The following STX1B variants were observed in gnomAD, a reference collection of about 807,000 sequenced individuals.
STX1B encodes the protein syntaxin-1B.
In STX1B, 7 loss-of-function variants were observed where a neutral mutation model predicts 39.4. The ratio of observed to expected loss-of-function variants is 0.18; its 90% confidence interval spans 0.10 to 0.33. STX1B has a LOEUF of 0.33. STX1B is among the 10% of genes least tolerant of loss of function. The probability of loss-of-function intolerance (pLI) is 1.00; values close to 1 mark genes in which losing one functional copy is unlikely to be tolerated. For synonymous variants in STX1B, 136 were observed against 144.1 expected, an observed-to-expected ratio of 0.94 and a Z score of 0.40; for missense variants, 198 against 383.2, an observed-to-expected ratio of 0.52 and a Z score of 4.04.
At chr16:30,999,537 G>A (rs2056612851) in intron 4 of STX1B, among the ~76,000 whole-genome samples, 1 of 152,200 alleles carries the variant, frequency 6.6e-6, no homozygotes, top group Admixed American at 6.5e-5. Flanking sequence ...GTGCTTTGGG[G>A]GAAGGTGGTT....
chr16:30,996,728 C>T lies in STX1B; in HGVS notation c.492G>A (p.Leu164=). 1 of 1,614,176 alleles carries T rather than the reference C, an allele frequency of 6.2e-7. No individual in the cohort carries two copies. The highest frequency in any genetic ancestry group is 8.5e-7 in the Non-Finnish European group (1 of 1,180,000). The change falls in exon 7 of 10, where the codon CTG becomes CTA. Residue 164 remains leucine (L), a synonymous_variant. Coordinates refer to ENST00000215095, the MANE Select transcript of STX1B (RefSeq NM_052874.5). ...GCTTCCCGCTCTCCAGCATGTCTTCCAGTTCTTCGTTGGTGGTGGTCCTTC... is the reference window on the plus strand; with the variant it reads ...GCTTCCCGCTCTCCAGCATGTCTTCTAGTTCTTCGTTGGTGGTGGTCCTTC... The part of the protein sequence containing the change: ...ITGRTTTNEE[L]EDMLESGKLA...
At position 31,001,010 on chromosome 16, in the gene STX1B, G is replaced by A; in HGVS notation, c.206-8C>T. 1 of 1,614,148 alleles carries A rather than the reference G, an allele frequency of 6.2e-7. No individual in the cohort carries two copies. Among genetic ancestry groups the A allele is most frequent in the Non-Finnish European group, 8.5e-7 (1 of 1,180,012 alleles). ...CCAGCTCCTGTTTGGTCTCTGAGGG[G>A]AGGGCGAGGGCAAGTGAGATGTCTG... On this transcript the variant is annotated splice_region_variant and splice_polypyrimidine_tract_variant and intron_variant, in intron 3 of 9. Coordinates refer to ENST00000215095, the MANE Select transcript of STX1B (RefSeq NM_052874.5). This position sits in a 1 kb window ranked among gnomAD's most constrained non-coding sequence, Gnocchi z 5.5.
rs1273121463 is a variant in STX1B at position 30,991,047 on chromosome 16, C to G, written c.*1774G>C. The G allele has an allele frequency of 1.3e-5, 2 of 152,658 alleles. No homozygotes were observed. Among genetic ancestry groups the G allele is most frequent in the African/African-American group, 4.8e-5 (2 of 41,458 alleles). The allele number at this position is 152,658 out of a possible 1,614,324, so 9.5% of individuals were successfully genotyped here. On this transcript the variant is annotated 3_prime_UTR_variant, in exon 10 of 10. Transcript: ENST00000215095. ...GCAGTGGGGGACACACAGTCCTCTC[C>G]CAGGTCTGAGGTGGGTGTGTGAGGA...
In STX1B at chr16:30,997,529, G is replaced by A. The variant is rs1434407113; in HGVS notation, c.327C>T (p.Ser109=). 6.2e-7 allele frequency: 1 copy of A among 1,609,940 alleles called. No homozygotes were observed. The highest frequency in any genetic ancestry group is 8.5e-7 in the Non-Finnish European group (1 of 1,178,628). ...GGGTCTTGCGGATGCGCAGGTCCGC[G>A]GAGGAACGGTTCAGCCCCTCCTCCT... ...IEQEEGLNRS[S]ADLRIRKTQH... The change falls in exon 5 of 10, where the codon TCC becomes TCT. Residue 109 remains serine, a synonymous_variant. Coordinates refer to ENST00000215095, the MANE Select transcript of STX1B (RefSeq NM_052874.5).
Position 30,992,073 on chromosome 16 carries a change from A to T in STX1B, c.*748T>A, listed in dbSNP as rs964812366. 3 of 145,604 alleles carry T rather than the reference A, an allele frequency of 2.1e-5. No individual in the cohort carries two copies. Among genetic ancestry groups the T allele is most frequent in the African/African-American group, 7.4e-5 (3 of 40,302 alleles). 9.0% of individuals were successfully genotyped at this position (145,604 alleles called of 1,614,324 possible). A position where few individuals can be genotyped will look rare whatever the true frequency, so the allele number is the denominator to read the frequency against. On this transcript the variant is annotated 3_prime_UTR_variant, in exon 10 of 10. Transcript: ENST00000215095. ...GCTCTATCTGAGAAGACCTATCAAT[A>T]CTTCAGGCACATCCTGGACACACAC...
intron 1 of STX1B, among the ~76,000 whole-genome samples, chr16:31,003,530 C>T (rs964438913): frequency 2.0e-5 from 3 of 152,224 alleles, no homozygotes; most frequent in Non-Finnish European, 4.4e-5. Context: ...ACCAGCCTCA[C>T]GCAGGTCATG....
At position 31,001,812 on chromosome 16, in the gene STX1B, T is replaced by C. The variant is rs1338781089; in HGVS notation, c.31-209A>G. 6.6e-6 allele frequency among the ~76,000 whole-genome samples: 1 copy of C among 152,074 alleles called. No individual in the cohort carries two copies. The highest frequency in any genetic ancestry group is 1.5e-5 in the Non-Finnish European group (1 of 67,980). On this transcript the variant is annotated intron_variant, in intron 1 of 9. Transcript: ENST00000215095. This position sits in a 1 kb window ranked among gnomAD's most constrained non-coding sequence, Gnocchi z 5.5. ...GCCCAAAGGATTCCTTAGAAGGAAT[T>C]GGAAAAAGACCCCCTCTCAGGGTGG...
chr16:30,994,536 G>A (rs1159726707), intron 7 of STX1B, among the ~76,000 whole-genome samples: 1 of 151,018 alleles, frequency 6.6e-6, no homozygotes, highest in Non-Finnish European at 1.5e-5. Context: ...GCTGCAGTGA[G>A]CTATGATTGC....
chr16:31,002,185 A>G (rs1483654315), intron 1 of STX1B, among the ~76,000 whole-genome samples: 1 of 117,442 alleles, frequency 8.5e-6, no homozygotes, highest in Admixed American at 8.8e-5. Flanking sequence ...CTTCCCGCCC[A>G]CTCTCCCTCC....
chr16:30,999,097 G>A (rs768739670), intron 4 of STX1B, among the ~76,000 whole-genome samples: 1 of 152,052 alleles, frequency 6.6e-6, no homozygotes, highest in Non-Finnish European at 1.5e-5. Flanking sequence ...GCTTTCATTT[G>A]TCTTACTGTA....
Position 31,001,020 on chromosome 16 carries a change from G to T in STX1B, c.206-18C>A. 1 of 1,614,102 alleles carries T rather than the reference G, an allele frequency of 6.2e-7. No homozygotes were observed. Among genetic ancestry groups the T allele is most frequent in the Non-Finnish European group, 8.5e-7 (1 of 1,179,984 alleles). ...TTTGGTCTCTGAGGGGAGGGCGAGG[G>T]CAAGTGAGATGTCTGGGTGGGAACC... is the stretch of plus-strand genomic sequence containing the variant. On this transcript the variant is annotated intron_variant, in intron 3 of 9. Transcript: ENST00000215095. This position sits in a 1 kb window ranked among gnomAD's most constrained non-coding sequence, Gnocchi z 5.5.
chr16:31,009,774 G>A (rs2056671819), intron 1 of STX1B, among the ~76,000 whole-genome samples: 1 of 151,674 alleles, frequency 6.6e-6, no homozygotes, highest in Admixed American at 6.6e-5. Flanking sequence ...CCACCTCTGG[G>A]TCACCCTGTC....
At chr16:31,000,826 T>C in intron 4 of STX1B, 102 bp downstream of exon 4, 4 of 1,185,664 alleles carry the variant, frequency 3.4e-6, no homozygotes, top group Non-Finnish European at 5.0e-6. Flanking sequence ...GTTGAACTCC[T>C]GGGATTGAGC....
rs368350513 is a variant in STX1B at position 31,001,643 on chromosome 16, C to T, written c.31-40G>A. ...GGCTGAGTCCATGAGCAGGCCCTAC[C>T]TGGGTCCCCAAGGCTGGCTCTCCAG... On this transcript the variant is annotated intron_variant, in intron 1 of 9. Transcript: ENST00000215095. The surrounding 1 kb of genome is among the most constrained non-coding windows in gnomAD (Gnocchi z 5.5). 181 of 1,564,588 alleles carry T rather than the reference C, an allele frequency of 1.2e-4. No individual in the cohort carries two copies. Among genetic ancestry groups the T allele is most frequent in the Middle Eastern group, 1.8e-4 (1 of 5,666 alleles).
intron 1 of STX1B, among the ~76,000 whole-genome samples, chr16:31,008,430 C>T (rs1395492955): frequency 6.6e-6 from 1 of 152,026 alleles, no homozygotes; most frequent in African/African-American, 2.4e-5. Flanking sequence ...CCCGCTTAGC[C>T]TTTTCCCTCC....
rs569316018 is a variant in STX1B, at chr16:30,990,906, C to A, written c.*1915G>T. On this transcript the variant is annotated 3_prime_UTR_variant, in exon 10 of 10. Coordinates refer to ENST00000215095, the MANE Select transcript of STX1B (RefSeq NM_052874.5). ...AGCAGGAGAGGTGTCGGGGATGGGT[C>A]TCAGGACCCAGCCCACCCTGAGTGG... 3 of 152,310 alleles carry A rather than the reference C, an allele frequency of 2.0e-5. No homozygotes were observed. Among genetic ancestry groups the A allele is most frequent in the Admixed American group, 6.5e-5 (1 of 15,306 alleles). 9.4% of individuals were successfully genotyped at this position (152,310 alleles called of 1,614,324 possible). A position where few individuals can be genotyped will look rare whatever the true frequency, so the allele number is the denominator to read the frequency against.
In STX1B at chr16:30,993,220, G is replaced by A. The variant is rs775771121; in HGVS notation, c.696C>T (p.Ile232=). 1.7e-5 allele frequency: 27 copies of A among 1,614,060 alleles called. No individual in the cohort carries two copies. Among genetic ancestry groups the A allele is most frequent in the Non-Finnish European group, 2.1e-5 (25 of 1,180,036 alleles). ...CCACAGAATGTTCCACGTTGTACTC[G>A]ATGCGGTCAATCATCTCTCCCTGCA... is the stretch of plus-strand genomic sequence containing the variant. ...VESQGEMIDR[I]EYNVEHSVDY... The change falls in exon 9 of 10, where the codon ATC becomes ATT. Residue 232 remains isoleucine, a synonymous_variant. Coordinates refer to ENST00000215095, the MANE Select transcript of STX1B (RefSeq NM_052874.5).
intron 7 of STX1B, among the ~76,000 whole-genome samples, chr16:30,993,851 G>C (rs2056576357): frequency 6.6e-6 from 1 of 152,120 alleles, no homozygotes; most frequent in African/African-American, 2.4e-5. Flanking sequence ...CTGGTGTGGT[G>C]GTGGGCACCT....
intron 7 of STX1B, among the ~76,000 whole-genome samples, chr16:30,994,584 T>C (rs2056581744): frequency 6.9e-6 from 1 of 145,862 alleles, no homozygotes. Flanking sequence ...AGTGAGACCA[T>C]GCTGAAAAAA....
Sources: allele counts gnomAD v4.1 joint callset (sites outside exome capture counted in the v4.1 genomes callset), GRCh38; gene constraint gnomAD v4.1.1; non-coding constraint Gnocchi (gnomAD v3.1); transcripts MANE v1.5; gene names NCBI Gene and HGNC (gene_info 2026-07-23, HGNC 2026-07-21).